The following RALGPS1 variants were observed in gnomAD, a reference collection of about 807,000 sequenced individuals.
The protein encoded by RALGPS1 is Ral GEF with PH domain and SH3 binding motif 1, also known as ras-specific guanine nucleotide-releasing factor RalGPS1.
A neutral mutation model predicts 78.8 loss-of-function variants in RALGPS1; 19 were observed. That is an observed-to-expected ratio of 0.24 (90% CI 0.17 to 0.35). RALGPS1 has a LOEUF of 0.35. RALGPS1 is among the 10% of genes least tolerant of loss of function. RALGPS1 has a pLI of 1.00. For missense variants in RALGPS1, 454 were observed against 688.3 expected, an observed-to-expected ratio of 0.66 and a Z score of 3.81; for synonymous variants, 228 against 256.3, an observed-to-expected ratio of 0.89 and a Z score of 1.06.
intron 4 of RALGPS1, among the ~76,000 whole-genome samples, chr9:127,002,447 TC>T (rs1202053854): frequency 9.4e-4 from 109 of 116,358 alleles, no homozygotes; most frequent in East Asian, 4.2e-3. Flanking sequence ...TTTTTTTTTT[TC>T]TTTTTTTTTT....
chr9:127,195,048 C>A, intron 11 of RALGPS1, 43 bp from the exon 12 acceptor site: 5 of 1,605,864 alleles, frequency 3.1e-6, no homozygotes, highest in Non-Finnish European at 3.4e-6. Flanking sequence ...CCCTCACCCT[C>A]CCATCATAAC....
intron 5 of RALGPS1, among the ~76,000 whole-genome samples, chr9:127,045,762 T>TACACACACACACACACACAC (rs59773981): frequency 7.3e-6 from 1 of 137,036 alleles, no homozygotes; most frequent in African/African-American, 2.8e-5. Context: ...CACACACACA[T>TACACACACACACACACACAC]ACACACACAC....
chr9:126,995,889 A>G (rs112173482), intron 4 of RALGPS1, among the ~76,000 whole-genome samples: 3 of 151,894 alleles, frequency 2.0e-5, no homozygotes, highest in Non-Finnish European at 4.4e-5. Flanking sequence ...ACTCAAAACC[A>G]CTCAACTACA....
intron 2 of RALGPS1, 142 bp from the exon 3 acceptor site, chr9:126,965,702 T>G: frequency 1.6e-6 from 1 of 616,516 alleles, no homozygotes; most frequent in Non-Finnish European, 2.9e-6. Context: ...GTGCCTGGAC[T>G]GGGGTAAAGC....
intron 4 of RALGPS1, among the ~76,000 whole-genome samples, chr9:127,009,481 A>G (rs1463527666): frequency 6.6e-6 from 1 of 152,214 alleles, no homozygotes; most frequent in African/African-American, 2.4e-5. Flanking sequence ...GAGTATAAAT[A>G]TCCCCTTTTA....
At chr9:127,137,483 A>G (rs2138508815) in intron 8 of RALGPS1, among the ~76,000 whole-genome samples, 1 of 152,334 alleles carries the variant, frequency 6.6e-6, no homozygotes, top group East Asian at 1.9e-4. Flanking sequence ...GGTGAGAGCA[A>G]GATTTGCAGG....
chr9:127,144,057 C>T (rs1323251290), intron 8 of RALGPS1, among the ~76,000 whole-genome samples: 12 of 152,210 alleles, frequency 7.9e-5, no homozygotes, highest in African/African-American at 2.9e-4. Flanking sequence ...AAGTCATCTC[C>T]GTTGTTGGTG....
intron 3 of RALGPS1, among the ~76,000 whole-genome samples, chr9:126,973,610 C>G (rs981935978): frequency 6.6e-6 from 1 of 152,106 alleles, no homozygotes; most frequent in Admixed American, 6.5e-5. Flanking sequence ...CCAAAATATA[C>G]GTAATATAAA....
Position 127,214,851 on chromosome 9 carries a change from A to G in RALGPS1, c.1644+9A>G. ...AAAGCAACAGGCCTCAGGTAAAGTCATCAAAATCCTGCTTGTCACCTGAAA... is the reference window on the plus strand; with the variant it reads ...AAAGCAACAGGCCTCAGGTAAAGTCGTCAAAATCCTGCTTGTCACCTGAAA... On this transcript the variant is annotated intron_variant, in intron 18 of 18. Transcript: ENST00000259351. 3 of 1,613,218 alleles carry G rather than the reference A, an allele frequency of 1.9e-6. No homozygotes were observed. The highest frequency in any genetic ancestry group is 1.7e-6 in the Non-Finnish European group (2 of 1,179,672).
Position 127,212,930 on chromosome 9 carries a change from T to C in RALGPS1, c.1447-14T>C. 6.2e-7 allele frequency: 1 copy of C among 1,614,152 alleles called. No homozygotes were observed. The highest frequency in any genetic ancestry group is 8.5e-7 in the Non-Finnish European group (1 of 1,180,018). The stretch of plus-strand genomic sequence containing the variant: ...TGGGCCCCGGTCTCCGGATGTGTTG[T>C]TGCTCTCCTCCAGTATAAATCCACA... On this transcript the variant is annotated splice_polypyrimidine_tract_variant and intron_variant, in intron 16 of 18. Transcript: ENST00000259351. The surrounding 1 kb of genome is among the most constrained non-coding windows in gnomAD (Gnocchi z 6.0).
rs2061357048 is a variant in RALGPS1, at chr9:127,196,555, T to C, written c.1119T>C (p.Ser373=). The part of the protein sequence containing the change: ...SEKARHLLDD[S]VLESRSPRRG... ...AAGCAAGGCACCTACTGGACGACAG[T>C]GTCCTAGAGTCCCGCAGCCCCCGAA... is the stretch of plus-strand genomic sequence containing the variant. Residue 373 remains serine (S), a synonymous_variant, in exon 13 of 19, where the codon AGT becomes AGC. Transcript: ENST00000259351. The C allele has an allele frequency of 6.8e-6, 11 of 1,614,190 alleles. No homozygotes were observed. Among genetic ancestry groups the C allele is most frequent in the Non-Finnish European group, 9.3e-6 (11 of 1,179,992 alleles).
intron 4 of RALGPS1, among the ~76,000 whole-genome samples, chr9:127,026,938 G>A (rs1014066945): frequency 2.6e-5 from 4 of 152,196 alleles, no homozygotes; most frequent in African/African-American, 9.7e-5. Context: ...GCCCGGGGGT[G>A]GATGCTAGCA....
chr9:127,204,817 C>G (rs2061845219), intron 14 of RALGPS1, among the ~76,000 whole-genome samples: 1 of 152,166 alleles, frequency 6.6e-6, no homozygotes, highest in African/African-American at 2.4e-5. Context: ...GTCTCCTGCC[C>G]CAAAAACTGA....
At position 127,214,853 on chromosome 9, in the gene RALGPS1, C is replaced by A; in HGVS notation, c.1644+11C>A. 1 of 1,613,130 alleles carries A rather than the reference C, an allele frequency of 6.2e-7. No individual in the cohort carries two copies. On this transcript the variant is annotated intron_variant, in intron 18 of 18. Coordinates refer to ENST00000259351, the MANE Select transcript of RALGPS1 (RefSeq NM_014636.3). ...AGCAACAGGCCTCAGGTAAAGTCAT[C>A]AAAATCCTGCTTGTCACCTGAAATA...
chr9:127,064,227 C>A (rs890941343), intron 7 of RALGPS1, among the ~76,000 whole-genome samples: 2 of 152,184 alleles, frequency 1.3e-5, no homozygotes, highest in African/African-American at 2.4e-5. Context: ...CTGTTTGACT[C>A]TGGGTAAGCA....
intron 13 of RALGPS1, among the ~76,000 whole-genome samples, chr9:127,198,021 C>T (rs1037558267): frequency 8.5e-5 from 13 of 152,242 alleles, no homozygotes; most frequent in African/African-American, 2.7e-4. Context: ...TGAGCTGCGC[C>T]TGAGTCCAGG....
chr9:126,998,217 A>G (rs552261497), intron 4 of RALGPS1, among the ~76,000 whole-genome samples: 8 of 152,200 alleles, frequency 5.3e-5, no homozygotes, highest in South Asian at 2.1e-4. Context: ...AGAAACTACC[A>G]TCAGAGTGAA....
intron 4 of RALGPS1, among the ~76,000 whole-genome samples, chr9:127,033,322 G>C (rs1288803304): frequency 6.6e-6 from 1 of 152,190 alleles, no homozygotes; most frequent in Non-Finnish European, 1.5e-5. Context: ...GCCCCTGTCT[G>C]TGGCTGATTG....
intron 7 of RALGPS1, among the ~76,000 whole-genome samples, chr9:127,060,861 C>G (rs369930866): frequency 1.3e-5 from 2 of 152,188 alleles, no homozygotes; most frequent in Admixed American, 1.3e-4. Context: ...ACAACCATTC[C>G]GACACCAGTT....
Sources: gnomAD v4.1 joint callset for allele counts (sites outside exome capture counted in the v4.1 genomes callset) on GRCh38, gnomAD v4.1.1 for gene constraint, Gnocchi (gnomAD v3.1) non-coding constraint, MANE v1.5 for transcripts, NCBI Gene and HGNC (gene_info 2026-07-23, HGNC 2026-07-21) for gene names.